The following CNTNAP4 variants were observed in gnomAD, a reference collection of about 807,000 sequenced individuals.
CNTNAP4 encodes contactin associated protein family member 4.
CNTNAP4 carries 98 observed loss-of-function variants against 148.4 expected under a neutral mutation model. The observed-to-expected ratio is 0.66, with a 90% confidence interval of 0.56 to 0.78. The LOEUF (loss-of-function observed/expected upper bound fraction) is 0.78. Ranked by LOEUF, CNTNAP4 falls within the 30% of genes least tolerant of loss-of-function variation. The probability of loss-of-function intolerance (pLI) is 0.00; values close to 1 mark genes in which losing one functional copy is unlikely to be tolerated. For missense variants in CNTNAP4, 1,935 were observed against 1,565.6 expected, an observed-to-expected ratio of 1.24 and a Z score of -3.98; for synonymous variants, 730 against 565.1, an observed-to-expected ratio of 1.29 and a Z score of -4.14.
chr16:76,456,781 G>T (rs1359231259), intron 8 of CNTNAP4, among the ~76,000 whole-genome samples: 2 of 152,132 alleles, frequency 1.3e-5, no homozygotes, highest in African/African-American at 2.4e-5. Context: ...ATAAAGTAAG[G>T]CAGACACCTG....
chr16:76,358,411 C>T (rs959869718), intron 3 of CNTNAP4, among the ~76,000 whole-genome samples: 3 of 152,010 alleles, frequency 2.0e-5, no homozygotes, highest in African/African-American at 7.2e-5. Flanking sequence ...AAAGATTAAG[C>T]GGAACATGCA....
chr16:76,366,236 T>C (rs1360322818), intron 3 of CNTNAP4, among the ~76,000 whole-genome samples: 5 of 152,206 alleles, frequency 3.3e-5, no homozygotes, highest in African/African-American at 1.2e-4. Flanking sequence ...AGCCAGGTAC[T>C]AAGCCTGGTA....
At chr16:76,372,209 G>T (rs1239433008) in intron 3 of CNTNAP4, among the ~76,000 whole-genome samples, 1 of 145,846 alleles carries the variant, frequency 6.9e-6, no homozygotes, top group African/African-American at 2.5e-5. Context: ...GCGCAATCTC[G>T]GTTCACTGCA....
intron 2 of CNTNAP4, 60 bp from the exon 3 acceptor site, chr16:76,355,258 C>A: frequency 1.5e-6 from 2 of 1,309,186 alleles, no homozygotes; most frequent in South Asian, 1.7e-5. Context: ...TCTTTACAAA[C>A]ATAGATTTTT....
chr16:76,380,287 G>A (rs2015835793), intron 3 of CNTNAP4, among the ~76,000 whole-genome samples: 2 of 152,136 alleles, frequency 1.3e-5, no homozygotes, highest in East Asian at 1.9e-4. Flanking sequence ...ATTGTCAAGG[G>A]AAGTATACTG....
intron 1 of CNTNAP4, among the ~76,000 whole-genome samples, chr16:76,306,124 A>G (rs1221141119): frequency 6.6e-6 from 1 of 152,152 alleles, no homozygotes; most frequent in African/African-American, 2.4e-5. Context: ...TGAATATATG[A>G]ATGTATGTGT....
At chr16:76,534,821 G>C (rs935806203) in intron 17 of CNTNAP4, among the ~76,000 whole-genome samples, 3 of 152,158 alleles carry the variant, frequency 2.0e-5, no homozygotes, top group Admixed American at 6.5e-5. Flanking sequence ...AATAGGGTCT[G>C]ATTCCAACCC....
chr16:76,470,482 AATATAT>A lies in CNTNAP4; in HGVS notation c.1655+2969_1655+2974del, dbSNP rs67354977. Among the ~76,000 whole-genome samples the A allele has an allele frequency of 1.8e-3, 172 of 96,998 alleles. 14 individuals carry two copies. The highest frequency in any genetic ancestry group is 7.0e-3 in the African/African-American group (147 of 21,138). The allele number at this position is 96,998 out of a possible 152,430, so 63.6% of individuals were successfully genotyped here. A position where few individuals can be genotyped will look rare whatever the true frequency, so the allele number is the denominator to read the frequency against. The stretch of plus-strand genomic sequence containing the variant: ...ATAGCAAAACCACGTCTCTACTAAT[AATATAT>A]ATATATATAAAATTAGTCGGGCATG... On this transcript the variant is annotated intron_variant, in intron 10 of 23. Coordinates refer to ENST00000611870, the MANE Select transcript of CNTNAP4 (RefSeq NM_033401.5).
intron 1 of CNTNAP4, among the ~76,000 whole-genome samples, chr16:76,299,904 C>A (rs957158380): frequency 6.6e-6 from 1 of 151,966 alleles, no homozygotes; most frequent in Admixed American, 6.6e-5. Context: ...GACAAAAAAC[C>A]AAACACCTCA....
intron 3 of CNTNAP4, among the ~76,000 whole-genome samples, chr16:76,426,775 C>A (rs1311990189): frequency 6.6e-6 from 1 of 152,128 alleles, no homozygotes; most frequent in Non-Finnish European, 1.5e-5. Context: ...TTTGACTGTG[C>A]TAGCTTAGCA....
intron 1 of CNTNAP4, among the ~76,000 whole-genome samples, chr16:76,302,204 CA>C (rs1960043625): frequency 6.6e-6 from 1 of 152,084 alleles, no homozygotes; most frequent in African/African-American, 2.4e-5. Context: ...AAATAAAAAA[CA>C]AAAAACAGAA....
At chr16:76,448,278 T>A (rs2080324854) in intron 5 of CNTNAP4, 63 bp downstream of exon 5, 5 of 1,190,336 alleles carry the variant, frequency 4.2e-6, no homozygotes, top group South Asian at 1.4e-5. Flanking sequence ...AGTCACTTTA[T>A]GCTTTTATAG....
chr16:76,435,867 A>T (rs2079804191), intron 4 of CNTNAP4, among the ~76,000 whole-genome samples: 1 of 152,292 alleles, frequency 6.6e-6, no homozygotes, highest in Admixed American at 6.5e-5. Context: ...GTGGGCTGAA[A>T]TCAATAAATT....
At chr16:76,365,996 A>G (rs114286531) in intron 3 of CNTNAP4, among the ~76,000 whole-genome samples, 1 of 152,044 alleles carries the variant, frequency 6.6e-6, no homozygotes, top group Non-Finnish European at 1.5e-5. Flanking sequence ...ATGGAAATAT[A>G]TATTCTGAAG....
chr16:76,464,583 C>T (rs1050464392), intron 9 of CNTNAP4, among the ~76,000 whole-genome samples: 5 of 152,096 alleles, frequency 3.3e-5, no homozygotes, highest in African/African-American at 9.7e-5. Flanking sequence ...AAAGTTACTC[C>T]GTGTTGTGAG....
chr16:76,363,024 C>G (rs1368501090), intron 3 of CNTNAP4, among the ~76,000 whole-genome samples: 1 of 151,142 alleles, frequency 6.6e-6, no homozygotes, highest in Non-Finnish European at 1.5e-5. Flanking sequence ...AGTTCAAGAC[C>G]AGCCTGGGCA....
chr16:76,319,439 T>A (rs558366514), intron 2 of CNTNAP4, among the ~76,000 whole-genome samples: 17 of 152,220 alleles, frequency 1.1e-4, no homozygotes, highest in Admixed American at 2.6e-4. Flanking sequence ...AAACATACTT[T>A]CCATTCGAAG....
chr16:76,288,462 C>G (rs1015890158), intron 1 of CNTNAP4, among the ~76,000 whole-genome samples: 5 of 152,052 alleles, frequency 3.3e-5, no homozygotes. Flanking sequence ...GTAAATTACC[C>G]TCAAATACTT....
At chr16:76,313,684 C>G (rs2144061702) in intron 1 of CNTNAP4, among the ~76,000 whole-genome samples, 1 of 152,246 alleles carries the variant, frequency 6.6e-6, no homozygotes, top group Admixed American at 6.5e-5. Context: ...GAAAACGAGA[C>G]AATCTTGAAA....
Sources: gnomAD v4.1 joint callset for allele counts (sites outside exome capture counted in the v4.1 genomes callset) on GRCh38, gnomAD v4.1.1 for gene constraint, MANE v1.5 for transcripts, NCBI Gene and HGNC (gene_info 2026-07-23, HGNC 2026-07-21) for gene names.